XPR1: variants seen among roughly 807,000 people sequenced by gnomAD.
XPR1 encodes solute carrier family 53 member 1.
XPR1 carries 28 observed loss-of-function variants against 87.5 expected under a neutral mutation model. The ratio of observed to expected loss-of-function variants is 0.32; its 90% confidence interval spans 0.24 to 0.44. The LOEUF (loss-of-function observed/expected upper bound fraction) is 0.44. Among genes scored for constraint, XPR1 ranks in the 20% least tolerant of loss-of-function variants. The pLI is 1.00. For synonymous variants in XPR1, 300 were observed against 306.1 expected, an observed-to-expected ratio of 0.98 and a Z score of 0.21; for missense variants, 559 against 862.3, an observed-to-expected ratio of 0.65 and a Z score of 4.41.
intron 1 of XPR1, among the ~76,000 whole-genome samples, chr1:180,646,625 TCTG>T (rs1655128590): frequency 6.6e-6 from 1 of 152,202 alleles, no homozygotes; most frequent in Non-Finnish European, 1.5e-5. Flanking sequence ...CTTAGAACCC[TCTG>T]CTGTCTCATC....
chr1:180,780,684 C>T (rs568374579), intron 2 of XPR1, among the ~76,000 whole-genome samples: 10 of 148,542 alleles, frequency 6.7e-5, no homozygotes, highest in Non-Finnish European at 1.2e-4. Flanking sequence ...AGGAGAATGG[C>T]GTGAACCTGG....
intron 2 of XPR1, among the ~76,000 whole-genome samples, chr1:180,739,714 A>G (rs1284126560): frequency 6.6e-6 from 1 of 152,076 alleles, no homozygotes; most frequent in African/African-American, 2.4e-5. Flanking sequence ...TTAATTTCCC[A>G]GTTGTTCATT....
At chr1:180,693,697 C>A (rs999245188) in intron 2 of XPR1, among the ~76,000 whole-genome samples, 5 of 152,138 alleles carry the variant, frequency 3.3e-5, no homozygotes, top group African/African-American at 1.2e-4. Flanking sequence ...TGCTGGCTTT[C>A]TTGGCTTGTG....
intron 2 of XPR1, among the ~76,000 whole-genome samples, chr1:180,744,650 C>CTCTTTTTTTT (rs1553243737): frequency 3.5e-5 from 2 of 56,946 alleles, no homozygotes; most frequent in African/African-American, 1.2e-4. Flanking sequence ...GGCACAATTT[C>CTCTTTTTTTT]TTTCTTTTTT....
chr1:180,728,288 G>A (rs1402347652), intron 2 of XPR1, among the ~76,000 whole-genome samples: 1 of 98,086 alleles, frequency 1.0e-5, no homozygotes, highest in East Asian at 3.0e-4. Flanking sequence ...AAAAGGAGTT[G>A]TTTATAACTG....
At chr1:180,686,056 CTAGTTCTTTTAATCGTGGTGT>C in intron 2 of XPR1, among the ~76,000 whole-genome samples, 1 of 152,202 alleles carries the variant, frequency 6.6e-6, no homozygotes, top group Admixed American at 6.5e-5. Context: ...TCTTGCTTTT[CTAGTTCTTTTAATCGTGGTGT>C]TAGGGTGTCA....
At chr1:180,856,820 T>TA (rs1200549137) in intron 11 of XPR1, among the ~76,000 whole-genome samples, 1 of 152,226 alleles carries the variant, frequency 6.6e-6, no homozygotes, top group African/African-American at 2.4e-5. Flanking sequence ...GCCATATTAA[T>TA]ACACTGCTTT....
chr1:180,684,645 G>A (rs540568947), intron 2 of XPR1, among the ~76,000 whole-genome samples: 257 of 152,018 alleles, frequency 1.7e-3, no homozygotes, highest in South Asian at 4.2e-3. Context: ...CCATTTTTTT[G>A]TATCCTCTTT....
intron 12 of XPR1, among the ~76,000 whole-genome samples, chr1:180,865,765 T>C (rs141811595): frequency 6.6e-6 from 1 of 152,360 alleles, no homozygotes; most frequent in African/African-American, 2.4e-5. Flanking sequence ...TAGTGATTTC[T>C]AGGTAATAAA....
intron 2 of XPR1, among the ~76,000 whole-genome samples, chr1:180,756,928 A>G (rs1033352605): frequency 1.1e-4 from 17 of 152,194 alleles, no homozygotes; most frequent in Non-Finnish European, 2.4e-4. Context: ...CTCACATTGA[A>G]TTATCTTGTC....
intron 1 of XPR1, 107 bp downstream of exon 1, chr1:180,632,377 A>G: frequency 7.0e-7 from 1 of 1,419,342 alleles, no homozygotes; most frequent in South Asian, 1.2e-5. Flanking sequence ...GCCCGGGCAG[A>G]CTTTGACCCG....
rs111895702 is a variant in XPR1, at chr1:180,755,725, A to G, written c.122-32028A>G. The stretch of plus-strand genomic sequence containing the variant: ...ATAAAACTGTGATACCATTTTTATT[A>G]GGTTCCTATTTTTTTATGTGCCCTG... On this transcript the variant is annotated intron_variant, in intron 2 of 14. Coordinates refer to ENST00000367590, the MANE Select transcript of XPR1 (RefSeq NM_004736.4). Among the ~76,000 whole-genome samples the G allele has an allele frequency of 4.6e-3, 693 of 152,292 alleles. 7 individuals are homozygous for G. The highest frequency in any genetic ancestry group is 0.015 in the African/African-American group (636 of 41,568).
intron 3 of XPR1, among the ~76,000 whole-genome samples, chr1:180,792,351 CCAAA>C (rs1275114109): frequency 2.0e-5 from 3 of 152,118 alleles, no homozygotes; most frequent in African/African-American, 2.4e-5. Context: ...ATCAAAAAGG[CCAAA>C]CAATCAAAAT....
chr1:180,798,110 C>T (rs1476881794), intron 3 of XPR1, among the ~76,000 whole-genome samples: 1 of 151,674 alleles, frequency 6.6e-6, no homozygotes, highest in Non-Finnish European at 1.5e-5. Flanking sequence ...TCTCTTACTT[C>T]AAAACACTAA....
intron 2 of XPR1, among the ~76,000 whole-genome samples, chr1:180,727,843 A>G (rs372723833): frequency 2.0e-5 from 3 of 152,270 alleles, no homozygotes; most frequent in East Asian, 3.9e-4. Flanking sequence ...TGATGTTTCT[A>G]TGGCATTTGT....
chr1:180,804,374 C>G (rs776032660), intron 4 of XPR1, among the ~76,000 whole-genome samples: 3 of 152,186 alleles, frequency 2.0e-5, no homozygotes, highest in Non-Finnish European at 4.4e-5. Context: ...AAACAAAGAC[C>G]CTGACTTTTC....
intron 1 of XPR1, among the ~76,000 whole-genome samples, chr1:180,665,158 C>A (rs1475674756): frequency 6.6e-6 from 1 of 152,192 alleles, no homozygotes; most frequent in East Asian, 1.9e-4. Context: ...GAAGTAAACA[C>A]CTTTTTCAAA....
chr1:180,638,983 T>A (rs1055390723), intron 1 of XPR1, among the ~76,000 whole-genome samples: 3 of 152,128 alleles, frequency 2.0e-5, no homozygotes, highest in Admixed American at 1.3e-4. Context: ...GTGGTATGTA[T>A]AGGGACTGAT....
chr1:180,727,383 G>A (rs1246696027), intron 2 of XPR1, among the ~76,000 whole-genome samples: 3 of 152,084 alleles, frequency 2.0e-5, no homozygotes, highest in Non-Finnish European at 2.9e-5. Flanking sequence ...GGAATGTCAC[G>A]CTTGTAATCC....
Sources: allele counts gnomAD v4.1 joint callset (sites outside exome capture counted in the v4.1 genomes callset), GRCh38; gene constraint gnomAD v4.1.1; transcripts MANE v1.5; gene names NCBI Gene and HGNC (gene_info 2026-07-23, HGNC 2026-07-21).